The following EHBP1 variants were observed in gnomAD, a reference collection of about 807,000 sequenced individuals.
The protein encoded by EHBP1 is EH domain-binding protein 1.
EHBP1 carries 55 observed loss-of-function variants against 144.0 expected under a neutral mutation model. The observed-to-expected ratio is 0.38, with a 90% CI of 0.31 to 0.48. EHBP1 has a LOEUF of 0.48. EHBP1 is among the 20% of genes least tolerant of loss of function. EHBP1 has a pLI of 0.98. For missense variants in EHBP1, 1,200 were observed against 1,364.2 expected, an observed-to-expected ratio of 0.88 and a Z score of 1.90; for synonymous variants, 469 against 472.7, an observed-to-expected ratio of 0.99 and a Z score of 0.10.
chr2:62,726,267 G>GTC (rs1234413553), intron 2 of EHBP1, among the ~76,000 whole-genome samples: 2 of 152,324 alleles, frequency 1.3e-5, no homozygotes, highest in African/African-American at 4.8e-5. Flanking sequence ...TGGTGGAGGA[G>GTC]TCTCCTCTTG....
At chr2:62,792,165 GATACAGTTAATTAAAGTACT>G (rs2043204073) in intron 5 of EHBP1, among the ~76,000 whole-genome samples, 3 of 152,006 alleles carry the variant, frequency 2.0e-5, no homozygotes, top group Admixed American at 6.6e-5. Flanking sequence ...TATGTCAGTT[GATACAGTTAATTAAAGTACT>G]ACATATGCTG....
At chr2:63,038,323 A>T (rs767563188) in intron 20 of EHBP1, among the ~76,000 whole-genome samples, 3 of 152,162 alleles carry the variant, frequency 2.0e-5, no homozygotes, top group Non-Finnish European at 4.4e-5. Flanking sequence ...ATGAAGAAGC[A>T]CAAAACTTTA....
intron 9 of EHBP1, among the ~76,000 whole-genome samples, chr2:62,865,310 G>T (rs1256868463): frequency 6.6e-6 from 1 of 152,062 alleles, no homozygotes; most frequent in African/African-American, 2.4e-5. Context: ...TTAAACTTCA[G>T]TTATCTTATA....
At chr2:62,881,717 G>A (rs1285980052) in intron 10 of EHBP1, 4 of 152,070 alleles carry the variant, frequency 2.6e-5, no homozygotes, top group African/African-American at 9.7e-5. Context: ...ATGACTACAT[G>A]GAAAGGTAAA....
At chr2:62,958,133 G>A (rs1276999726) in intron 14 of EHBP1, among the ~76,000 whole-genome samples, 1 of 152,080 alleles carries the variant, frequency 6.6e-6, no homozygotes, top group Non-Finnish European at 1.5e-5. Flanking sequence ...ATGTAAAATG[G>A]TACAACCATC....
At chr2:63,015,097 A>G (rs2060429669) in intron 19 of EHBP1, among the ~76,000 whole-genome samples, 1 of 152,210 alleles carries the variant, frequency 6.6e-6, no homozygotes, top group South Asian at 2.1e-4. Flanking sequence ...ATGAGGAAAA[A>G]TTTTGCCAGT....
intron 21 of EHBP1, among the ~76,000 whole-genome samples, chr2:63,042,489 CAG>C (rs1205599906): frequency 2.0e-5 from 3 of 152,062 alleles, no homozygotes; most frequent in African/African-American, 7.2e-5. Flanking sequence ...ACTGTAATGA[CAG>C]ATTTAATATT....
At chr2:62,813,063 A>G (rs1356710461) in intron 5 of EHBP1, among the ~76,000 whole-genome samples, 1 of 152,226 alleles carries the variant, frequency 6.6e-6, no homozygotes, top group African/African-American at 2.4e-5. Flanking sequence ...TGCCTGTCCC[A>G]TCACAGGCTC....
chr2:62,708,538 A>G (rs1397137608), intron 2 of EHBP1, among the ~76,000 whole-genome samples: 3 of 152,220 alleles, frequency 2.0e-5, no homozygotes, highest in Non-Finnish European at 4.4e-5. Context: ...ATATCCATAA[A>G]GGTCATAATG....
At chr2:63,030,095 A>C (rs757413017) in intron 19 of EHBP1, among the ~76,000 whole-genome samples, 2 of 152,200 alleles carry the variant, frequency 1.3e-5, no homozygotes, top group Non-Finnish European at 2.9e-5. Context: ...AGAATGACTG[A>C]TCTAACCAAC....
Position 62,874,527 on chromosome 2 carries a change from C to A in EHBP1, c.1180C>A (p.Pro394Thr). Residue 394 changes from proline to threonine, a missense_variant, in exon 10 of 23, where the codon CCT becomes ACT. By Grantham distance (38) the Pro-to-Thr change is conservative (BLOSUM62 -1). Coordinates refer to ENST00000431489, the MANE Select transcript of EHBP1 (RefSeq NM_001142616.3). ...TGCAGGAAAAGATCTCTCTACTTCT[C>A]CTAAGGTAGGATTTTATTCATAGTA... The part of the protein sequence containing the change: ...VSAGKDLSTS[P>T]KPSPIPSPVL... 6.3e-7 allele frequency: 1 copy of A among 1,591,764 alleles called. No individual in the cohort carries two copies. The highest frequency in any genetic ancestry group is 1.2e-5 in the South Asian group (1 of 86,406).
intron 14 of EHBP1, among the ~76,000 whole-genome samples, chr2:62,962,186 C>T (rs2058034913): frequency 6.6e-6 from 1 of 151,440 alleles, no homozygotes; most frequent in Non-Finnish European, 1.5e-5. Context: ...ATTACCCAGG[C>T]ACGGTGGCTC....
At chr2:62,806,648 C>T (rs554578364) in intron 5 of EHBP1, among the ~76,000 whole-genome samples, 1 of 152,264 alleles carries the variant, frequency 6.6e-6, no homozygotes, top group East Asian at 1.9e-4. Context: ...AGGTGTGAGC[C>T]ACCACACTTG....
intron 7 of EHBP1, among the ~76,000 whole-genome samples, chr2:62,836,783 T>C (rs1363240518): frequency 4.1e-5 from 6 of 146,796 alleles, no homozygotes; most frequent in Non-Finnish European, 9.1e-5. Context: ...AAGGGAAGTT[T>C]AGAGAAAAAA....
At chr2:62,782,027 C>T (rs1471152727) in intron 5 of EHBP1, among the ~76,000 whole-genome samples, 5 of 152,166 alleles carry the variant, frequency 3.3e-5, no homozygotes, top group Non-Finnish European at 7.3e-5. Context: ...CCCAAGAACA[C>T]ACAGAAAGCA....
intron 2 of EHBP1, among the ~76,000 whole-genome samples, chr2:62,716,666 C>T (rs552545032): frequency 7.9e-5 from 12 of 152,172 alleles, no homozygotes; most frequent in African/African-American, 2.4e-4. Flanking sequence ...TTCATTGCCA[C>T]GGAGTTGATG....
intron 19 of EHBP1, among the ~76,000 whole-genome samples, chr2:63,009,055 T>A (rs2060166887): frequency 6.6e-6 from 1 of 151,666 alleles, no homozygotes; most frequent in African/African-American, 2.4e-5. Context: ...TGCACTAATG[T>A]CTGTATTCAC....
At chr2:62,809,374 T>G (rs1055385119) in intron 5 of EHBP1, among the ~76,000 whole-genome samples, 1 of 148,706 alleles carries the variant, frequency 6.7e-6, no homozygotes, top group African/African-American at 2.5e-5. Flanking sequence ...CTCCCCCAAC[T>G]GGAAGCCCAA....
At chr2:62,971,573 C>T (rs1298717098) in intron 14 of EHBP1, among the ~76,000 whole-genome samples, 3 of 152,106 alleles carry the variant, frequency 2.0e-5, no homozygotes, top group Non-Finnish European at 4.4e-5. Flanking sequence ...TAGATAGGGC[C>T]AGTGCTTTGA....
Sources: allele counts gnomAD v4.1 joint callset (sites outside exome capture counted in the v4.1 genomes callset), GRCh38; gene constraint gnomAD v4.1.1; transcripts MANE v1.5; gene names NCBI Gene and HGNC (gene_info 2026-07-23, HGNC 2026-07-21).